LAYN: variants seen among roughly 807,000 people sequenced by gnomAD.
The protein encoded by LAYN is layilin.
A neutral mutation model predicts 43.6 loss-of-function variants in LAYN; 38 were observed. That is an observed-to-expected ratio of 0.87 (90% CI 0.67 to 1.14). LAYN has a LOEUF of 1.14. Among genes scored for constraint, LAYN ranks in the 50% most tolerant of loss-of-function variants. The probability of loss-of-function intolerance (pLI) is 0.00; values close to 1 mark genes in which losing one functional copy is unlikely to be tolerated. For missense variants in LAYN, 479 were observed against 463.8 expected (o/e 1.03, Z -0.30); for synonymous variants, 168 against 172.9 (o/e 0.97, Z 0.22).
chr11:111,558,776 T>TA (rs1203846646), intron 6 of LAYN, among the ~76,000 whole-genome samples: 2 of 25,764 alleles, frequency 7.8e-5, no homozygotes, highest in Admixed American at 7.3e-4. Context: ...ATTATTTTAT[T>TA]TAAAAAAATA....
At chr11:111,556,919 C>T (rs530401437) in intron 5 of LAYN, among the ~76,000 whole-genome samples, 2 of 152,308 alleles carry the variant, frequency 1.3e-5, no homozygotes, top group Admixed American at 1.3e-4. Context: ...GTGCTCTTCA[C>T]AGTCATGGCT....
At chr11:111,541,687 G>A in intron 1 of LAYN, 1 of 990,568 alleles carries the variant, frequency 1.0e-6, no homozygotes, top group South Asian at 1.4e-5. Flanking sequence ...CCAACAGCTT[G>A]ACCAAACGGG....
chr11:111,546,849 G>T lies in LAYN; in HGVS notation c.383+2629G>T, dbSNP rs189983834. Among the ~76,000 whole-genome samples, 80 of 152,324 alleles carry T rather than the reference G, an allele frequency of 5.3e-4. 1 individual carries two copies. The East Asian group carries it at 0.013, about 24-fold the overall frequency. ...AAAAGGTGACTAATTTTCAGCTACA[G>T]ATGGTATGGCCTTGCTTCAAAATCC... On this transcript the variant is annotated intron_variant, in intron 2 of 6. Coordinates refer to ENST00000375614, the MANE Select transcript of LAYN (RefSeq NM_178834.5).
chr11:111,547,567 A>G (rs2135794186), intron 2 of LAYN, among the ~76,000 whole-genome samples: 1 of 152,346 alleles, frequency 6.6e-6, no homozygotes, highest in Non-Finnish European at 1.5e-5. Context: ...GAATGTGTTC[A>G]CCGGATCTGC....
chr11:111,540,993 G>A (rs1867525484), intron 1 of LAYN, 65 bp downstream of exon 1: 1 of 1,454,286 alleles, frequency 6.9e-7, no homozygotes, highest in African/African-American at 1.4e-5. Flanking sequence ...AGCTGCTGCT[G>A]ACCCTCTTCT....
chr11:111,544,807 A>G (rs1867619521), intron 2 of LAYN, among the ~76,000 whole-genome samples: 1 of 152,150 alleles, frequency 6.6e-6, no homozygotes, highest in African/African-American at 2.4e-5. Context: ...CAGACATGAG[A>G]CTAGGAGAAT....
chr11:111,547,095 A>G (rs1867661868), intron 2 of LAYN, among the ~76,000 whole-genome samples: 1 of 152,228 alleles, frequency 6.6e-6, no homozygotes, highest in African/African-American at 2.4e-5. Flanking sequence ...GGGCCAGAGC[A>G]ATATTCCCAG....
At chr11:111,557,707 C>A in intron 6 of LAYN, 64 bp downstream of exon 6, 2 of 1,329,244 alleles carry the variant, frequency 1.5e-6, no homozygotes, top group Non-Finnish European at 2.2e-6. Flanking sequence ...TTGGATATTG[C>A]CTTGTTTACT....
chr11:111,550,288 C>T (rs1030899067), intron 3 of LAYN, among the ~76,000 whole-genome samples: 1 of 152,232 alleles, frequency 6.6e-6, no homozygotes, highest in Non-Finnish European at 1.5e-5. Context: ...TTTAAACTCT[C>T]AGACCACCCT....
Position 111,560,313 on chromosome 11 carries a change from C to G in LAYN, c.980C>G (p.Ala327Gly). The G allele has an allele frequency of 6.2e-7, 1 of 1,614,168 alleles. No homozygotes were observed. The highest frequency in any genetic ancestry group is 8.5e-7 in the Non-Finnish European group (1 of 1,180,022). The change falls in exon 7 of 7, where the codon GCT becomes GGT. Residue 327 changes from alanine to glycine, a missense_variant. Transcript: ENST00000375614. Reference protein sequence around the residue: ...DDMSCDYDNMAVNPSESGFVT... With the variant: ...DDMSCDYDNMGVNPSESGFVT... ...ATGTCTTGTGACTATGACAACATGG[C>G]TGTGAACCCATCAGAAAGTGGGTTT...
At chr11:111,558,768 T>A (rs1867888104) in intron 6 of LAYN, among the ~76,000 whole-genome samples, 1 of 101,144 alleles carries the variant, frequency 9.9e-6, no homozygotes, top group South Asian at 3.5e-4. Context: ...TTTTATTTAT[T>A]ATTTTATTTA....
At chr11:111,551,550 C>A in intron 3 of LAYN, 1 of 400,310 alleles carries the variant, frequency 2.5e-6, no homozygotes, top group South Asian at 1.9e-5. Context: ...CAGACCCTTG[C>A]CGACCTGTCC....
At position 111,549,639 on chromosome 11, in the gene LAYN, A is replaced by G. The variant is rs634679; in HGVS notation, c.405A>G (p.Pro135=). 0.99 allele frequency: 1,569,670 copies of G among 1,579,246 alleles called. 780,553 individuals are homozygous for G. Among genetic ancestry groups the G allele is most frequent in the East Asian group, 1 (42,095 of 42,096 alleles). ...SQFRNWYVDE[P]SCGSEVCVVM... ...ACAGGAACTGGTATGTGGATGAGCC[A>G]TCCTGCGGCAGCGAGGTCTGCGTGG... is the stretch of plus-strand genomic sequence containing the variant. The change falls in exon 3 of 7, where the codon CCA becomes CCG. Residue 135 remains proline, a synonymous_variant. Transcript: ENST00000375614.
rs1254771155 is a variant in LAYN at position 111,549,683 on chromosome 11, C to G, written c.449C>G (p.Ser150Trp). 6.2e-7 allele frequency: 1 copy of G among 1,602,880 alleles called. No individual in the cohort carries two copies. ...EVCVVMYHQP[S>W]APAGIGGPYM... ...TGCGTGGTCATGTACCATCAGCCAT[C>G]GGCACCCGCTGGCATCGGAGGCCCC... Residue 150 changes from serine (S) to tryptophan (W), a missense_variant, in exon 3 of 7, where the codon TCG (serine) becomes TGG (tryptophan). By Grantham distance (177) the Ser-to-Trp change is radical (BLOSUM62 -3). Transcript: ENST00000375614.
intron 2 of LAYN, among the ~76,000 whole-genome samples, chr11:111,545,511 A>G (rs1295970976): frequency 6.6e-6 from 1 of 152,178 alleles, no homozygotes; most frequent in Non-Finnish European, 1.5e-5. Flanking sequence ...CCCATAATAC[A>G]TAACAGCAGG....
At chr11:111,541,459 G>C (rs1867537560) in intron 1 of LAYN, 1 of 1,176,518 alleles carries the variant, frequency 8.5e-7, no homozygotes, top group East Asian at 2.5e-5. Context: ...CCCGGTATGA[G>C]AGCGCTTAGA....
intron 6 of LAYN, among the ~76,000 whole-genome samples, chr11:111,559,029 G>T (rs1434975957): frequency 6.6e-6 from 1 of 151,772 alleles, no homozygotes; most frequent in African/African-American, 2.4e-5. Context: ...CAGGTGATCC[G>T]CCCACCTCAG....
At chr11:111,554,509 G>T in intron 3 of LAYN, 52 bp from the exon 4 acceptor site, 1 of 1,394,146 alleles carries the variant, frequency 7.2e-7, no homozygotes. Context: ...ATTTCATTCA[G>T]ATGCCATAAA....
At chr11:111,559,154 T>C (rs1867900424) in intron 6 of LAYN, among the ~76,000 whole-genome samples, 1 of 152,204 alleles carries the variant, frequency 6.6e-6, no homozygotes, top group Non-Finnish European at 1.5e-5. Flanking sequence ...TACTGTTATA[T>C]AGTTTAGCAA....
Sources: gnomAD v4.1 joint callset for allele counts (sites outside exome capture counted in the v4.1 genomes callset) on GRCh38, gnomAD v4.1.1 for gene constraint, MANE v1.5 for transcripts, NCBI Gene and HGNC (gene_info 2026-07-23, HGNC 2026-07-21) for gene names.